The following RTF1 variants were observed in gnomAD, a reference collection of about 807,000 sequenced individuals.
RTF1 encodes RNA polymerase-associated protein RTF1 homolog.
Under a neutral mutation model 95.7 loss-of-function variants are expected in RTF1, and 10 were observed. That is an observed-to-expected ratio of 0.10 (90% CI 0.06 to 0.18). The LOEUF is 0.18. Ranked by LOEUF, RTF1 falls within the 10% of genes least tolerant of loss-of-function variation. The probability of loss-of-function intolerance (pLI) is 1.00; values close to 1 mark genes in which losing one functional copy is unlikely to be tolerated. For missense variants in RTF1, 458 were observed against 875.6 expected (o/e 0.52, Z 6.02); for synonymous variants, 305 against 311.8 (o/e 0.98, Z 0.23).
At chr15:41,421,740 C>T (rs1404733419) in intron 1 of RTF1, among the ~76,000 whole-genome samples, 1 of 147,804 alleles carries the variant, frequency 6.8e-6, no homozygotes, top group Non-Finnish European at 1.5e-5. Context: ...CAGGGTTTCA[C>T]TCCTGTCACC....
At position 41,480,312 on chromosome 15, in the gene RTF1, A is replaced by C. The variant is rs200907186; in HGVS notation, c.2013A>C (p.Gln671His). The C allele has an allele frequency of 8.2e-5, 132 of 1,609,792 alleles. No homozygotes were observed. Among genetic ancestry groups the C allele is most frequent in the Non-Finnish European group, 1.1e-4 (130 of 1,176,036 alleles). Reference sequence around the variant, plus strand: ...ATTTTGATGTGAAGATTGACTTACAAGTTCCCAGCTCAGGTATGTGAGGGT... The same window carrying C: ...ATTTTGATGTGAAGATTGACTTACACGTTCCCAGCTCAGGTATGTGAGGGT... ...VHDFDVKIDL[Q>H]VPSSESKALA... The change falls in exon 17 of 18, where the codon CAA (glutamine) becomes CAC (histidine). Residue 671 changes from glutamine to histidine, a missense_variant. Gln to His is a conservative substitution (Grantham distance 24). Transcript: ENST00000389629.
chr15:41,436,683 A>G (rs1015059137), intron 1 of RTF1, among the ~76,000 whole-genome samples: 1 of 150,550 alleles, frequency 6.6e-6, no homozygotes. Context: ...AGTCCCATCT[A>G]CTTGGGAGGC....
intron 14 of RTF1, 94 bp from the exon 15 acceptor site, chr15:41,478,452 TTC>T: frequency 2.3e-6 from 2 of 878,216 alleles, no homozygotes; most frequent in Non-Finnish European, 3.6e-6. Context: ...TTTTTTTTTT[TTC>T]AGTCCCGTGC....
rs2050988394 is a variant in RTF1 at position 41,483,349 on chromosome 15, T to TC, written c.*2663dup. 1 of 152,638 alleles carries TC rather than the reference T, an allele frequency of 6.6e-6. No homozygotes were observed. Among genetic ancestry groups the TC allele is most frequent in the Non-Finnish European group, 1.5e-5 (1 of 68,050 alleles). The allele number at this position is 152,638 out of a possible 1,614,324, so 9.5% of individuals were successfully genotyped here. A position where few individuals can be genotyped will look rare whatever the true frequency, so the allele number is the denominator to read the frequency against. On this transcript the variant is annotated 3_prime_UTR_variant, in exon 18 of 18. Coordinates refer to ENST00000389629, the MANE Select transcript of RTF1 (RefSeq NM_015138.5). The stretch of plus-strand genomic sequence containing the variant: ...CCCAAGGTTGTTTTTATGCATTTTT[T>TC]CAGTTCCTTCCAAGAAGCAAAAAGG...
At chr15:41,430,041 T>C (rs543237076) in intron 1 of RTF1, among the ~76,000 whole-genome samples, 4 of 146,996 alleles carry the variant, frequency 2.7e-5, no homozygotes, top group African/African-American at 7.4e-5. Context: ...AGAGTCTTGC[T>C]CTATTGCCCA....
intron 2 of RTF1, among the ~76,000 whole-genome samples, chr15:41,449,432 C>T (rs2050779567): frequency 6.6e-6 from 1 of 152,096 alleles, no homozygotes; most frequent in Admixed American, 6.6e-5. Context: ...GGGGTTTCAC[C>T]GTGTTAGCCA....
chr15:41,427,211 G>A (rs558650175), intron 1 of RTF1, among the ~76,000 whole-genome samples: 3 of 145,424 alleles, frequency 2.1e-5, no homozygotes, highest in African/African-American at 7.7e-5. Flanking sequence ...GAGTGCAGTG[G>A]TGCGATCTCG....
rs1427937253 is a variant in RTF1 at position 41,475,508 on chromosome 15, G to A, written c.1287-17G>A. ...AACATGCACATTTCTTGGAGATGCT[G>A]TCTCTCTTTTATGTAGGCATGGCAA... On this transcript the variant is annotated splice_polypyrimidine_tract_variant and intron_variant, in intron 9 of 17. Transcript: ENST00000389629. 6.2e-7 allele frequency: 1 copy of A among 1,609,088 alleles called. No homozygotes were observed. The highest frequency in any genetic ancestry group is 2.2e-5 in the East Asian group (1 of 44,876).
intron 11 of RTF1, among the ~76,000 whole-genome samples, chr15:41,476,240 C>T (rs775623922): frequency 1.3e-5 from 2 of 152,174 alleles, no homozygotes; most frequent in African/African-American, 4.8e-5. Flanking sequence ...GTTCCTTCAG[C>T]CTGTCCCAGA....
intron 2 of RTF1, among the ~76,000 whole-genome samples, chr15:41,443,631 T>G (rs2050746435): frequency 6.7e-6 from 1 of 150,084 alleles, no homozygotes. Context: ...CAGGGTGTGG[T>G]GGCTCACACC....
intron 1 of RTF1, among the ~76,000 whole-genome samples, chr15:41,432,537 G>C (rs2050680638): frequency 6.6e-6 from 1 of 152,104 alleles, no homozygotes; most frequent in African/African-American, 2.4e-5. Flanking sequence ...TTAACAGGAA[G>C]GCAGTACTAA....
chr15:41,479,061 G>T, intron 15 of RTF1, 42 bp from the exon 16 acceptor site: 1 of 1,390,824 alleles, frequency 7.2e-7, no homozygotes, highest in Non-Finnish European at 1.0e-6. Flanking sequence ...AGGACTCTGT[G>T]AGTGTCAAGC....
At chr15:41,467,587 T>A (rs1344740247) in intron 6 of RTF1, among the ~76,000 whole-genome samples, 1 of 151,966 alleles carries the variant, frequency 6.6e-6, no homozygotes, top group Non-Finnish European at 1.5e-5. Context: ...TGGTTGTGCA[T>A]GCCTGTAATC....
At chr15:41,417,376 C>T in intron 1 of RTF1, 63 bp downstream of exon 1, 4 of 1,222,468 alleles carry the variant, frequency 3.3e-6, no homozygotes, top group Non-Finnish European at 4.1e-6. Flanking sequence ...CCGCGGGAGC[C>T]GGAGACGGCC....
At chr15:41,470,592 G>C (rs1418666384) in intron 7 of RTF1, among the ~76,000 whole-genome samples, 200 bp downstream of exon 7, 1 of 151,758 alleles carries the variant, frequency 6.6e-6, no homozygotes, top group Admixed American at 6.6e-5. Context: ...CCTGGGCCTG[G>C]AAGGTAGGAA....
At chr15:41,476,346 C>T in intron 11 of RTF1, 100 bp from the exon 12 acceptor site, 1 of 873,774 alleles carries the variant, frequency 1.1e-6, no homozygotes, top group South Asian at 1.3e-5. Context: ...AAGAGCAGCC[C>T]CTTTGTAACT....
At chr15:41,472,705 CT>C (rs767696780) in intron 8 of RTF1, among the ~76,000 whole-genome samples, 1,581 of 127,074 alleles carry the variant, frequency 0.012, 10 homozygotes, top group Non-Finnish European at 0.017. Context: ...GACTGAGTCT[CT>C]TTTTTTTTTT....
Position 41,433,693 on chromosome 15 carries a change from G to A in RTF1, c.199-4628G>A, listed in dbSNP as rs543995142. On this transcript the variant is annotated intron_variant, in intron 1 of 17. Transcript: ENST00000389629. ...AAAGGTAATGGTAAAGACCATAAACGTATTACTATATAACCCAGCAATCCC... is the reference window on the plus strand; with the variant it reads ...AAAGGTAATGGTAAAGACCATAAACATATTACTATATAACCCAGCAATCCC... Among the ~76,000 whole-genome samples, 34 of 152,082 alleles carry A rather than the reference G, an allele frequency of 2.2e-4. No individual in the cohort carries two copies. In the South Asian group the frequency reaches 6.4e-3, roughly 29 times the overall value.
chr15:41,439,642 G>T (rs888357459), intron 2 of RTF1, among the ~76,000 whole-genome samples: 6 of 152,006 alleles, frequency 3.9e-5, no homozygotes, highest in Non-Finnish European at 7.4e-5. Flanking sequence ...TTTCTCATTT[G>T]ATTTATTTAT....
Sources: gnomAD v4.1 joint callset for allele counts (sites outside exome capture counted in the v4.1 genomes callset) on GRCh38, gnomAD v4.1.1 for gene constraint, MANE v1.5 for transcripts, NCBI Gene and HGNC (gene_info 2026-07-23, HGNC 2026-07-21) for gene names.